Variants in TOPBP1 observed in about 807,000 individuals in gnomAD.
TOPBP1 encodes DNA topoisomerase 2-binding protein 1.
TOPBP1 carries 28 observed loss-of-function variants against 167.7 expected under a neutral mutation model. The ratio of observed to expected loss-of-function variants is 0.17; its 90% CI spans 0.12 to 0.23. The LOEUF (loss-of-function observed/expected upper bound fraction) is 0.23. Among genes scored for constraint, TOPBP1 ranks in the 10% least tolerant of loss-of-function variants. The probability of loss-of-function intolerance (pLI) is 1.00; values close to 1 mark genes in which losing one functional copy is unlikely to be tolerated. For missense variants in TOPBP1, 1,554 were observed against 1,809.6 expected (o/e 0.86, Z 2.56); for synonymous variants, 598 against 611.4 (o/e 0.98, Z 0.32).
intron 6 of TOPBP1, among the ~76,000 whole-genome samples, 155 bp from the exon 7 acceptor site, chr3:133,653,679 G>A (rs1480844001): frequency 6.6e-6 from 1 of 150,552 alleles, no homozygotes; most frequent in Non-Finnish European, 1.5e-5. Context: ...CCAGGCTGGA[G>A]TACAGTGGTG....
In TOPBP1 at chr3:133,628,376, T is replaced by G. The variant is rs1409767014; in HGVS notation, c.2790A>C (p.Leu930=). 2.5e-6 allele frequency: 4 copies of G among 1,600,836 alleles called. No individual in the cohort carries two copies. In the African/African-American group the frequency reaches 5.3e-5, roughly 21 times the overall value. The part of the protein sequence containing the change: ...QSELNGIAAS[L]GADYRWSFDE... ...GTGCCAACTACCTGTAATCTGCTCCTAGAGAGGCTGCGATCCCATTTAGTT... is the reference window on the plus strand; with the variant it reads ...GTGCCAACTACCTGTAATCTGCTCCGAGAGAGGCTGCGATCCCATTTAGTT... Residue 930 remains leucine (L), a synonymous_variant, in exon 16 of 28, where the codon CTA becomes CTC. Coordinates refer to ENST00000260810, the MANE Select transcript of TOPBP1 (RefSeq NM_007027.4).
In TOPBP1 at chr3:133,644,321, G is replaced by A. The variant is rs1936003803; in HGVS notation, c.1547C>T (p.Thr516Ile). The change falls in exon 11 of 28, where the codon ACT becomes ATT. Residue 516 changes from threonine to isoleucine, a missense_variant. Around this residue, in one of 3 missense-constraint regions of TOPBP1, gnomAD observed 1,197 missense variants for 1,351.5 expected, o/e 0.89. Transcript: ENST00000260810. ...TSEARPFNDS[T>I]HAEPLNDSTH... The stretch of plus-strand genomic sequence containing the variant: ...AGAATCATTCAAGGGCTCAGCATGA[G>A]TAGAATCATTAAAGGGCCTGGCTTC... 6.2e-7 allele frequency: 1 copy of A among 1,602,138 alleles called. No homozygotes were observed. The highest frequency in any genetic ancestry group is 8.5e-7 in the Non-Finnish European group (1 of 1,175,068).
chr3:133,641,043 A>C (rs1277899190), intron 12 of TOPBP1, among the ~76,000 whole-genome samples: 1 of 151,900 alleles, frequency 6.6e-6, no homozygotes, highest in African/African-American at 2.4e-5. Flanking sequence ...CTAGTTCCCA[A>C]CTTTTCAGAT....
chr3:133,613,657 C>T (rs953424142), intron 23 of TOPBP1, among the ~76,000 whole-genome samples: 1 of 152,058 alleles, frequency 6.6e-6, no homozygotes, highest in Non-Finnish European at 1.5e-5. Context: ...GATATAAATG[C>T]ATGAAGCCTG....
At chr3:133,608,788 G>C in intron 26 of TOPBP1, 85 bp downstream of exon 26, 1 of 1,564,234 alleles carries the variant, frequency 6.4e-7, no homozygotes, top group East Asian at 2.3e-5. Context: ...ATTTCAAAAA[G>C]TAGAGAAAAT....
intron 23 of TOPBP1, among the ~76,000 whole-genome samples, chr3:133,613,699 A>G (rs909327375): frequency 6.6e-6 from 1 of 152,144 alleles, no homozygotes; most frequent in Non-Finnish European, 1.5e-5. Context: ...ATAAGTAAAC[A>G]TAAGCTTATG....
intron 27 of TOPBP1, 70 bp downstream of exon 27, chr3:133,608,465 T>G: frequency 6.5e-7 from 1 of 1,535,718 alleles, no homozygotes; most frequent in Non-Finnish European, 8.8e-7. Context: ...GGTTTTGTTG[T>G]GCAGTTACTT....
At chr3:133,620,685 T>A (rs1261736633) in intron 19 of TOPBP1, among the ~76,000 whole-genome samples, 3 of 150,962 alleles carry the variant, frequency 2.0e-5, no homozygotes, top group Non-Finnish European at 4.4e-5. Flanking sequence ...CAATTCTCCC[T>A]GCCTCAGCCT....
At position 133,660,699 on chromosome 3, in the gene TOPBP1, A is replaced by T. The variant is rs192548276; in HGVS notation, c.84+345T>A. Among the ~76,000 whole-genome samples, 25 of 152,346 alleles carry T rather than the reference A, an allele frequency of 1.6e-4. No individual in the cohort carries two copies. In the East Asian group the frequency reaches 2.5e-3, roughly 15 times the overall value. ...AATAAAACATAATTTTTAACAATTA[A>T]CCAAAAAATTTTCAAGTATGACCAG... On this transcript the variant is annotated intron_variant, in intron 2 of 27. Transcript: ENST00000260810.
chr3:133,611,392 C>G (rs1364728832), intron 24 of TOPBP1, among the ~76,000 whole-genome samples: 2 of 152,060 alleles, frequency 1.3e-5, no homozygotes, highest in Non-Finnish European at 2.9e-5. Flanking sequence ...TTTTAAGAAA[C>G]AAAATGATAG....
chr3:133,646,219 T>C (rs563726298), intron 10 of TOPBP1, among the ~76,000 whole-genome samples: 1 of 152,280 alleles, frequency 6.6e-6, no homozygotes, highest in East Asian at 1.9e-4. Context: ...TATTATAGAC[T>C]TTCTAAGATG....
At chr3:133,615,800 G>T (rs1934851504) in intron 23 of TOPBP1, among the ~76,000 whole-genome samples, 1 of 141,570 alleles carries the variant, frequency 7.1e-6, no homozygotes, top group South Asian at 2.1e-4. Context: ...TTGAGATGGG[G>T]TCTCACTATG....
Position 133,656,681 on chromosome 3 carries a change from T to C in TOPBP1, c.540A>G (p.Gln180=). 1 of 1,593,470 alleles carries C rather than the reference T, an allele frequency of 6.3e-7. No homozygotes were observed. The highest frequency in any genetic ancestry group is 8.5e-7 in the Non-Finnish European group (1 of 1,173,882). Residue 180 remains glutamine, a synonymous_variant, in exon 5 of 28, where the codon CAA becomes CAG. Coordinates refer to ENST00000260810, the MANE Select transcript of TOPBP1 (RefSeq NM_007027.4). ...SWIKTLWEKS[Q]EKKITRYTDI... ...TATAAAAATGTCTTTCTTACTTCTCTTGTGACTTCTCCCAAAGTGTTTTTA... is the reference window on the plus strand; with the variant it reads ...TATAAAAATGTCTTTCTTACTTCTCCTGTGACTTCTCCCAAAGTGTTTTTA...
chr3:133,642,987 C>G (rs1055747716), intron 12 of TOPBP1, among the ~76,000 whole-genome samples: 1 of 151,758 alleles, frequency 6.6e-6, no homozygotes, highest in African/African-American at 2.4e-5. Flanking sequence ...GTTATTACCT[C>G]TAATGATACC....
rs1295918276 is a variant in TOPBP1, at chr3:133,600,705, A to G, written c.*545T>C. The stretch of plus-strand genomic sequence containing the variant: ...ACATTTTCCAAGTTTTGCGCATTCA[A>G]ACTTGGCAAACATCATGGAGATTTG... On this transcript the variant is annotated 3_prime_UTR_variant, in exon 28 of 28. Transcript: ENST00000260810. 1 of 152,710 alleles carries G rather than the reference A, an allele frequency of 6.5e-6. No individual in the cohort carries two copies. Among genetic ancestry groups the G allele is most frequent in the African/African-American group, 2.4e-5 (1 of 41,442 alleles). The allele number at this position is 152,710 out of a possible 1,614,324, so 9.5% of individuals were successfully genotyped here. A position where few individuals can be genotyped will look rare whatever the true frequency, so the allele number is the denominator to read the frequency against.
rs2107829051 is a variant in TOPBP1 at position 133,652,445 on chromosome 3, T to C, written c.1089+18A>G. 1 of 1,610,324 alleles carries C rather than the reference T, an allele frequency of 6.2e-7. No individual in the cohort carries two copies. The highest frequency in any genetic ancestry group is 8.5e-7 in the Non-Finnish European group (1 of 1,179,186). On this transcript the variant is annotated intron_variant, in intron 8 of 27. Coordinates refer to ENST00000260810, the MANE Select transcript of TOPBP1 (RefSeq NM_007027.4). ...AATGTATATCATCTACTGCATGTATTATATAATAAAGACGTACCCGACAAC... is the reference window on the plus strand; with the variant it reads ...AATGTATATCATCTACTGCATGTATCATATAATAAAGACGTACCCGACAAC...
chr3:133,637,139 C>T (rs1935702904), intron 14 of TOPBP1, among the ~76,000 whole-genome samples: 1 of 152,058 alleles, frequency 6.6e-6, no homozygotes, highest in Admixed American at 6.5e-5. Flanking sequence ...AAATACCCTA[C>T]AAGCAAAAAT....
At chr3:133,628,331 T>C in intron 16 of TOPBP1, 31 bp downstream of exon 16, 1 of 1,554,912 alleles carries the variant, frequency 6.4e-7, no homozygotes, top group Non-Finnish European at 8.7e-7. Flanking sequence ...TTCAGTCATA[T>C]CACCATGAAA....
At chr3:133,659,899 T>A (rs1028941996) in intron 2 of TOPBP1, among the ~76,000 whole-genome samples, 1 of 152,138 alleles carries the variant, frequency 6.6e-6, no homozygotes, top group African/African-American at 2.4e-5. Flanking sequence ...AATACAGTAA[T>A]CCCTTTAAAA....
Sources: gnomAD v4.1 joint callset for allele counts (sites outside exome capture counted in the v4.1 genomes callset) on GRCh38, gnomAD v4.1.1 for gene constraint, gnomAD v4.1.1 regional missense constraint, MANE v1.5 for transcripts, NCBI Gene and HGNC (gene_info 2026-07-23, HGNC 2026-07-21) for gene names.